RGS5: variants seen among roughly 807,000 people sequenced by gnomAD.
RGS5 encodes regulator of G protein signaling 5, also known as regulator of G-protein signalling 5.
A neutral mutation model predicts 18.9 loss-of-function variants in RGS5; 20 were observed. The ratio of observed to expected loss-of-function variants is 1.06; its 90% CI spans 0.74 to 1.54. RGS5 has a LOEUF of 1.54. RGS5 is among the 40% of genes most tolerant of loss of function. The probability of loss-of-function intolerance (pLI) is 0.00; values close to 1 mark genes in which losing one functional copy is unlikely to be tolerated. For missense variants in RGS5, 201 were observed against 211.8 expected (o/e 0.95, Z 0.32); for synonymous variants, 57 against 76.2 (o/e 0.75, Z 1.31).
In RGS5 at chr1:163,144,576, A is replaced by T. The variant is rs1348711046; in HGVS notation, c.*2766T>A. 6.6e-6 allele frequency: 1 copy of T among 152,612 alleles called. No homozygotes were observed. Among genetic ancestry groups the T allele is most frequent in the Non-Finnish European group, 1.5e-5 (1 of 68,044 alleles). The allele number at this position is 152,612 out of a possible 1,614,324, so 9.5% of individuals were successfully genotyped here. A position where few individuals can be genotyped will look rare whatever the true frequency, so the allele number is the denominator to read the frequency against. On this transcript the variant is annotated 3_prime_UTR_variant, in exon 5 of 5. Coordinates refer to ENST00000313961, the MANE Select transcript of RGS5 (RefSeq NM_003617.4). ...TCACAGGGGAGGAAAACGCCAGTACAACAGGGTTCTTGCATCAAGCTTCAT... is the reference window on the plus strand; with the variant it reads ...TCACAGGGGAGGAAAACGCCAGTACTACAGGGTTCTTGCATCAAGCTTCAT...
chr1:163,290,453 AT>A (rs1352777532), intron 2 of RGS5, among the ~76,000 whole-genome samples: 4 of 152,132 alleles, frequency 2.6e-5, no homozygotes, highest in Non-Finnish European at 5.9e-5. Context: ...ATTGCATAAC[AT>A]TTCTTCATTG....
upstream of RGS5, among the ~76,000 whole-genome samples, chr1:163,219,349 G>A (rs555642707): frequency 7.9e-5 from 12 of 152,172 alleles, no homozygotes; most frequent in East Asian, 2.3e-3. Context: ...TATCATATAG[G>A]ATGTACTCTT....
chr1:163,186,163 T>C (rs12078239), intron 1 of RGS5, among the ~76,000 whole-genome samples: 118,958 of 150,878 alleles, frequency 0.79, 47,315 homozygotes, highest in East Asian at 0.95. Flanking sequence ...CCTCTACCTC[T>C]AGGTTCAAGC....
intron 1 of RGS5, among the ~76,000 whole-genome samples, chr1:163,198,861 G>A (rs1659671482): frequency 6.6e-6 from 1 of 151,892 alleles, no homozygotes; most frequent in Non-Finnish European, 1.5e-5. Context: ...TTAGAGACAG[G>A]GTCTCCCTGT....
chr1:163,259,110 G>C (rs1571324274), intron 2 of RGS5, among the ~76,000 whole-genome samples: 1 of 151,996 alleles, frequency 6.6e-6, no homozygotes, highest in Non-Finnish European at 1.5e-5. Context: ...TGACCTCCCA[G>C]TTTACATCAA....
chr1:163,232,646 C>G (rs1557913746), intron 2 of RGS5, among the ~76,000 whole-genome samples: 1 of 152,078 alleles, frequency 6.6e-6, no homozygotes, highest in Non-Finnish European at 1.5e-5. Flanking sequence ...ATATGCTGTG[C>G]CTTCTATTTC....
Position 163,291,731 on chromosome 1 carries a change from GA to G in RGS5, c.-281+14501del. On this transcript the variant is annotated intron_variant, in intron 2 of 5. Transcript: ENST00000618415. ...TTAGACTCCCTATGATTTCATCTCT[GA>G]CCCAACCAATCAGCACTCCCCATAG... 2.0e-5 allele frequency among the ~76,000 whole-genome samples: 3 copies of G among 152,078 alleles called. 1 individual carries two copies. The Middle Eastern group carries it at 0.01, about 517-fold the overall frequency.
At chr1:163,206,389 G>T (rs2101666374), upstream of RGS5, among the ~76,000 whole-genome samples, 1 of 151,502 alleles carries the variant, frequency 6.6e-6, no homozygotes, top group South Asian at 2.1e-4. Flanking sequence ...TTTTTTTAAT[G>T]AAAAAAAGAG....
At chr1:163,315,833 T>C (rs1650004452) in intron 1 of RGS5, among the ~76,000 whole-genome samples, 1 of 152,222 alleles carries the variant, frequency 6.6e-6, no homozygotes, top group Admixed American at 6.5e-5. Flanking sequence ...GCTCTAAACA[T>C]GTATTCTAAT....
intron 1 of RGS5, among the ~76,000 whole-genome samples, chr1:163,177,619 C>T (rs1254043804): frequency 6.6e-6 from 1 of 152,194 alleles, no homozygotes; most frequent in Non-Finnish European, 1.5e-5. Flanking sequence ...GGTCACCAGA[C>T]TTTCATTTAA....
rs1176827253 is a variant in RGS5 at position 163,144,532 on chromosome 1, C to T, written c.*2810G>A. 1 of 152,512 alleles carries T rather than the reference C, an allele frequency of 6.6e-6. No homozygotes were observed. The highest frequency in any genetic ancestry group is 1.9e-4 in the East Asian group (1 of 5,180). The allele number at this position is 152,512 out of a possible 1,614,324, so 9.4% of individuals were successfully genotyped here. ...CACCTTTCTACATCCTCAATTCACT[C>T]CCAACAGTAGTTACGTTTTCACAGG... On this transcript the variant is annotated 3_prime_UTR_variant, in exon 5 of 5. Coordinates refer to ENST00000313961, the MANE Select transcript of RGS5 (RefSeq NM_003617.4).
rs912391381 is a variant in RGS5 at position 163,145,407 on chromosome 1, A to G, written c.*1935T>C. 22 of 152,178 alleles carry G rather than the reference A, an allele frequency of 1.4e-4. No individual in the cohort carries two copies. Among genetic ancestry groups the G allele is most frequent in the African/African-American group, 5.3e-4 (22 of 41,456 alleles). 9.4% of individuals were successfully genotyped at this position (152,178 alleles called of 1,614,324 possible). A position where few individuals can be genotyped will look rare whatever the true frequency, so the allele number is the denominator to read the frequency against. On this transcript the variant is annotated 3_prime_UTR_variant, in exon 5 of 5. Transcript: ENST00000313961. ...TGAGAGAGTAAAGGGTTGGCACTTT[A>G]TTAACTTGGGGGCAATGTAGACATA...
At chr1:163,220,542 C>T (rs1647206960), upstream of RGS5, among the ~76,000 whole-genome samples, 1 of 152,142 alleles carries the variant, frequency 6.6e-6, no homozygotes, top group Non-Finnish European at 1.5e-5. Flanking sequence ...CGGTGACTTT[C>T]AAACTTAGTC....
intron 2 of RGS5, among the ~76,000 whole-genome samples, chr1:163,293,776 A>G (rs1649352812): frequency 6.6e-6 from 1 of 152,218 alleles, no homozygotes; most frequent in Admixed American, 6.5e-5. Context: ...TACTTCCAAG[A>G]TACAATGGAG....
intron 2 of RGS5, among the ~76,000 whole-genome samples, chr1:163,229,626 C>T (rs927905254): frequency 5.9e-5 from 9 of 152,244 alleles, no homozygotes; most frequent in Non-Finnish European, 1.2e-4. Flanking sequence ...GGTTTCTTTG[C>T]TGTAACTCAG....
chr1:163,208,950 A>G (rs183714045), intron 1 of RGS5, among the ~76,000 whole-genome samples: 34 of 152,208 alleles, frequency 2.2e-4, no homozygotes, highest in Non-Finnish European at 2.2e-4. Flanking sequence ...TTATGGATAT[A>G]TATCAAACTC....
intron 4 of RGS5, among the ~76,000 whole-genome samples, chr1:163,152,212 C>A (rs1053433989): frequency 6.6e-6 from 1 of 152,148 alleles, no homozygotes; most frequent in Non-Finnish European, 1.5e-5. Flanking sequence ...ATCCTCACAA[C>A]ATCTCCATAA....
intron 2 of RGS5, among the ~76,000 whole-genome samples, chr1:163,283,877 T>C (rs1649065059): frequency 6.6e-6 from 1 of 152,188 alleles, no homozygotes; most frequent in South Asian, 2.1e-4. Context: ...TTTGGAGGTA[T>C]TCTTTTTCCA....
intron 1 of RGS5, among the ~76,000 whole-genome samples, chr1:163,175,914 G>A (rs765267719): frequency 6.6e-6 from 1 of 152,142 alleles, no homozygotes; most frequent in East Asian, 1.9e-4. Context: ...AATGTGTTAT[G>A]ATATGACTTC....
Sources: allele counts gnomAD v4.1 joint callset (sites outside exome capture counted in the v4.1 genomes callset), GRCh38; gene constraint gnomAD v4.1.1; transcripts MANE v1.5; gene names NCBI Gene and HGNC (gene_info 2026-07-23, HGNC 2026-07-21).